Variants in MYT1L observed in about 807,000 individuals in gnomAD.
MYT1L encodes myelin transcription factor 1-like protein.
A neutral mutation model predicts 126.7 loss-of-function variants in MYT1L; 12 were observed. That is an observed-to-expected ratio of 0.09 (90% CI 0.06 to 0.15). MYT1L has a LOEUF of 0.15. Among genes scored for constraint, MYT1L ranks in the 10% least tolerant of loss-of-function variants. MYT1L has a pLI of 1.00. For missense variants in MYT1L, 979 were observed against 1,585.2 expected (o/e 0.62, Z 6.49); for synonymous variants, 541 against 604.2 (o/e 0.90, Z 1.53).
intron 1 of MYT1L, among the ~76,000 whole-genome samples, chr2:2,298,809 G>A (rs559128467): frequency 1.3e-5 from 2 of 152,252 alleles, no homozygotes; most frequent in South Asian, 4.2e-4. Flanking sequence ...CTCAGGAACA[G>A]TCCTCTCACT....
In MYT1L at chr2:2,227,321, T is replaced by C. The variant is rs138597078; in HGVS notation, c.-420-54333A>G. ...GACTCACCTCTGAACCTCAGCCTCA[T>C]AGATTCAATGACCCACTTGACATCT... On this transcript the variant is annotated intron_variant, in intron 2 of 24. Coordinates refer to ENST00000647738, the MANE Select transcript of MYT1L (RefSeq NM_001303052.2). 6.0e-4 allele frequency among the ~76,000 whole-genome samples: 91 copies of C among 152,310 alleles called. 1 individual carries two copies. Among genetic ancestry groups the C allele is most frequent in the Middle Eastern group, 3.4e-3 (1 of 294 alleles).
In MYT1L at chr2:1,947,658, G is replaced by C. The variant is rs571054209; in HGVS notation, c.153-4324C>G. On this transcript the variant is annotated intron_variant, in intron 8 of 24. Transcript: ENST00000647738. Reference sequence around the variant, plus strand: ...TTTCCATCTCCTGGCAGCTGCCATGGCTCCTACTCCATTAGAACTTGCTGG... The same window carrying C: ...TTTCCATCTCCTGGCAGCTGCCATGCCTCCTACTCCATTAGAACTTGCTGG... 4.6e-5 allele frequency among the ~76,000 whole-genome samples: 7 copies of C among 152,328 alleles called. No homozygotes were observed. In the East Asian group the frequency reaches 9.7e-4, roughly 21 times the overall value.
At chr2:2,270,383 G>A (rs182775593) in intron 2 of MYT1L, among the ~76,000 whole-genome samples, 5 of 152,280 alleles carry the variant, frequency 3.3e-5, no homozygotes, top group Admixed American at 3.3e-4. Flanking sequence ...TTAGTCATGA[G>A]CTTGCTGTCT....
At chr2:2,099,643 A>G (rs577388800) in intron 3 of MYT1L, among the ~76,000 whole-genome samples, 10 of 152,324 alleles carry the variant, frequency 6.6e-5, no homozygotes, top group Admixed American at 5.9e-4. Flanking sequence ...ATCCTTTTTG[A>G]TTCATTTTAA....
At chr2:1,854,706 T>C (rs968719433) in intron 18 of MYT1L, among the ~76,000 whole-genome samples, 2 of 152,176 alleles carry the variant, frequency 1.3e-5, no homozygotes, top group Non-Finnish European at 2.9e-5. Context: ...GGATTTCGAG[T>C]TGGGCGGGTG....
intron 19 of MYT1L, among the ~76,000 whole-genome samples, chr2:1,846,566 G>A (rs1225689132): frequency 6.6e-6 from 1 of 152,116 alleles, no homozygotes; most frequent in Admixed American, 6.5e-5. Context: ...CCAACAACAG[G>A]TGAGTGCAGG....
At chr2:2,055,485 T>G (rs1225472556) in intron 3 of MYT1L, among the ~76,000 whole-genome samples, 1 of 152,256 alleles carries the variant, frequency 6.6e-6, no homozygotes, top group African/African-American at 2.4e-5. Flanking sequence ...CTTCTGTGAT[T>G]AATGTTTATA....
Position 1,808,945 on chromosome 2 carries a change from G to A in MYT1L, c.3172+131C>T. The A allele has an allele frequency of 3.8e-6, 3 of 783,204 alleles. No individual in the cohort carries two copies. The South Asian group carries it at 4.8e-5, about 12-fold the overall frequency. 48.5% of individuals were successfully genotyped at this position (783,204 alleles called of 1,614,324 possible). Reference sequence around the variant, plus strand: ...AGTTGCTTCGCTTTATAGATGAGAGGGCCAGAATTATCTCTGCCCCTGCTT... The same window carrying A: ...AGTTGCTTCGCTTTATAGATGAGAGAGCCAGAATTATCTCTGCCCCTGCTT... On this transcript the variant is annotated intron_variant, in intron 22 of 24. Transcript: ENST00000647738.
chr2:2,291,296 A>G (rs1055152868), intron 1 of MYT1L, among the ~76,000 whole-genome samples: 2 of 152,218 alleles, frequency 1.3e-5, no homozygotes. Flanking sequence ...ATTTGAGCTT[A>G]AATCTCTTTA....
chr2:2,134,705 C>CTT (rs1038724903), intron 3 of MYT1L, among the ~76,000 whole-genome samples: 8 of 152,158 alleles, frequency 5.3e-5, no homozygotes, highest in African/African-American at 1.9e-4. Flanking sequence ...TTTGCCAGCA[C>CTT]TTTGATCCTG....
intron 3 of MYT1L, among the ~76,000 whole-genome samples, chr2:2,171,689 C>T (rs1281993087): frequency 2.0e-5 from 3 of 152,058 alleles, no homozygotes; most frequent in East Asian, 1.9e-4. Flanking sequence ...CTTCCCCAAA[C>T]GGAACCAATG....
chr2:1,822,901 C>T (rs1237839088), intron 21 of MYT1L, among the ~76,000 whole-genome samples: 2 of 152,146 alleles, frequency 1.3e-5, no homozygotes, highest in East Asian at 3.9e-4. Flanking sequence ...GTAATCCTAG[C>T]AGAAGGGAAA....
intron 2 of MYT1L, among the ~76,000 whole-genome samples, chr2:2,232,738 T>G (rs2094191119): frequency 2.6e-5 from 4 of 152,130 alleles, no homozygotes; most frequent in African/African-American, 7.2e-5. Flanking sequence ...ATGATATACA[T>G]TTGAAACAGG....
At chr2:2,135,373 A>G (rs2082916646) in intron 3 of MYT1L, among the ~76,000 whole-genome samples, 1 of 152,144 alleles carries the variant, frequency 6.6e-6, no homozygotes, top group Non-Finnish European at 1.5e-5. Context: ...GCCTTCCACC[A>G]TGATTGTGAG....
At chr2:2,147,351 C>T (rs570617527) in intron 3 of MYT1L, among the ~76,000 whole-genome samples, 9 of 152,342 alleles carry the variant, frequency 5.9e-5, no homozygotes, top group African/African-American at 1.9e-4. Flanking sequence ...AGGGTGCGAG[C>T]ACACAGCAGG....
intron 5 of MYT1L, among the ~76,000 whole-genome samples, chr2:1,984,658 C>T (rs1046046015): frequency 2.6e-4 from 39 of 151,014 alleles, no homozygotes; most frequent in African/African-American, 7.3e-4. Context: ...TACAGGCGCC[C>T]GCCACCATGC....
At chr2:2,033,761 G>C (rs930252235) in intron 4 of MYT1L, among the ~76,000 whole-genome samples, 3 of 152,142 alleles carry the variant, frequency 2.0e-5, no homozygotes, top group Admixed American at 1.3e-4. Context: ...TCCCCATTCA[G>C]ACATGTTTGA....
chr2:2,257,438 G>A (rs528198686), intron 2 of MYT1L, among the ~76,000 whole-genome samples: 2 of 152,292 alleles, frequency 1.3e-5, no homozygotes, highest in African/African-American at 4.8e-5. Context: ...AGCACTTTGG[G>A]AGGCTGAAGC....
intron 10 of MYT1L, among the ~76,000 whole-genome samples, chr2:1,918,278 A>C (rs534696962): frequency 6.6e-6 from 1 of 152,214 alleles, no homozygotes; most frequent in Non-Finnish European, 1.5e-5. Flanking sequence ...ACTTCAGATA[A>C]TATTTCTAAA....
Sources: allele counts gnomAD v4.1 joint callset (sites outside exome capture counted in the v4.1 genomes callset), GRCh38; gene constraint gnomAD v4.1.1; transcripts MANE v1.5; gene names NCBI Gene and HGNC (gene_info 2026-07-23, HGNC 2026-07-21).